The following FAM53A variants were observed in gnomAD, a reference collection of about 807,000 sequenced individuals.
The protein encoded by FAM53A is family with sequence similarity 53 member A, also known as protein FAM53A.
In FAM53A, 28 loss-of-function variants were observed where a neutral mutation model predicts 26.6. The observed-to-expected ratio is 1.05, with a 90% CI of 0.78 to 1.45. FAM53A has a LOEUF of 1.45. FAM53A is among the 40% of genes most tolerant of loss of function. The pLI, the probability that FAM53A is intolerant of heterozygous loss-of-function variation, is 0.00. For synonymous variants in FAM53A, 290 were observed against 253.1 expected (o/e 1.15, Z -1.38); for missense variants, 650 against 575.8 (o/e 1.13, Z -1.32).
intron 4 of FAM53A, chr4:1,644,155 A>T: frequency 1.3e-6 from 2 of 1,531,328 alleles, no homozygotes; most frequent in Non-Finnish European, 1.7e-6. Context: ...AGGCTGCACT[A>T]CACACGCACC....
chr4:1,662,771 GCA>G (rs1713935406), intron 2 of FAM53A, among the ~76,000 whole-genome samples: 2 of 152,112 alleles, frequency 1.3e-5, no homozygotes, highest in Admixed American at 6.5e-5. Context: ...TGGCCAATGA[GCA>G]CATGAAAATA....
At chr4:1,612,204 A>G in the FAM53A span, among the ~76,000 whole-genome samples, 4 of 152,222 alleles carry the variant, frequency 2.6e-5, no homozygotes, top group African/African-American at 9.6e-5. Flanking sequence ...TAAATAAATC[A>G]GCTGTATGTT....
At chr4:1,644,563 G>GC in intron 4 of FAM53A, 1 of 512,336 alleles carries the variant, frequency 2.0e-6, no homozygotes, top group Non-Finnish European at 3.3e-6. Flanking sequence ...TCCGCCTCGC[G>GC]CCCCCTGTCC....
At chr4:1,682,605 C>G (rs1174107916) in intron 1 of FAM53A, among the ~76,000 whole-genome samples, 1 of 152,056 alleles carries the variant, frequency 6.6e-6, no homozygotes, top group African/African-American at 2.4e-5. Flanking sequence ...TCCCAATGCA[C>G]CGGTGAAAAA....
At chr4:1,651,992 T>TCACACACACACCACACACGC (rs1712835302) in intron 4 of FAM53A, among the ~76,000 whole-genome samples, 1 of 108,752 alleles carries the variant, frequency 9.2e-6, no homozygotes, top group African/African-American at 3.4e-5. Flanking sequence ...CACGCACACC[T>TCACACACACACCACACACGC]CACACACACA....
At chr4:1,599,999 C>G in the FAM53A span, among the ~76,000 whole-genome samples, 32,319 of 151,916 alleles carry the variant, frequency 0.21, 4,016 homozygotes, top group Non-Finnish European at 0.28. The surrounding 1 kb of genome is among the most constrained non-coding windows in gnomAD (Gnocchi z 6.1). Context: ...CGTGTGACCC[C>G]CTCTCCCACC....
intron 2 of FAM53A, among the ~76,000 whole-genome samples, chr4:1,667,700 A>G (rs1269477081): frequency 1.3e-5 from 2 of 151,894 alleles, no homozygotes; most frequent in African/African-American, 2.4e-5. Context: ...TCACCCTCTC[A>G]TTTCCGTAAC....
At chr4:1,672,956 G>A (rs1714788434) in intron 1 of FAM53A, among the ~76,000 whole-genome samples, 1 of 152,002 alleles carries the variant, frequency 6.6e-6, no homozygotes, top group Non-Finnish European at 1.5e-5. Flanking sequence ...TTGTAGTAAA[G>A]ACAGCATTTC....
chr4:1,639,150 T>C (rs1577098300), downstream of FAM53A, among the ~76,000 whole-genome samples: 1 of 151,846 alleles, frequency 6.6e-6, no homozygotes, highest in African/African-American at 2.4e-5. Context: ...CTGTCTCCCA[T>C]TGCTGTCCAG....
the FAM53A span, among the ~76,000 whole-genome samples, chr4:1,575,801 GA>G: frequency 1.3e-4 from 20 of 152,264 alleles, no homozygotes; most frequent in African/African-American, 4.8e-4. Context: ...TGGGTTGGGA[GA>G]GCCATCATTC....
chr4:1,667,421 T>G (rs1204298691), intron 2 of FAM53A, among the ~76,000 whole-genome samples: 1 of 152,136 alleles, frequency 6.6e-6, no homozygotes, highest in Non-Finnish European at 1.5e-5. Context: ...CCTCCACCCG[T>G]GGACTGACAG....
the FAM53A span, among the ~76,000 whole-genome samples, chr4:1,578,816 G>C: frequency 7.8e-3 from 476 of 61,214 alleles, 3 homozygotes; most frequent in South Asian, 0.022. Context: ...GGGGAGGGGA[G>C]AGAAGAGGGG....
At chr4:1,675,829 A>G in intron 1 of FAM53A, among the ~76,000 whole-genome samples, 1 of 152,162 alleles carries the variant, frequency 6.6e-6, no homozygotes, top group East Asian at 1.9e-4. Flanking sequence ...GCTCCCCAGG[A>G]TCTGGCCACA....
At chr4:1,634,356 A>T (rs1715744887) in intron 1 of FAM53A, among the ~76,000 whole-genome samples, 1 of 152,084 alleles carries the variant, frequency 6.6e-6, no homozygotes, top group Non-Finnish European at 1.5e-5. Flanking sequence ...ACCCGTCCAC[A>T]CACACAGAGG....
downstream of FAM53A, among the ~76,000 whole-genome samples, chr4:1,636,476 C>T (rs769846661): frequency 4.6e-5 from 7 of 152,242 alleles, no homozygotes; most frequent in Non-Finnish European, 7.3e-5. Flanking sequence ...TGGTGTTGCC[C>T]CGTTCACGGG....
chr4:1,680,586 G>C (rs910060137), intron 1 of FAM53A, among the ~76,000 whole-genome samples: 2 of 152,124 alleles, frequency 1.3e-5, no homozygotes, highest in Non-Finnish European at 2.9e-5. Flanking sequence ...ATTTCCTGTA[G>C]GTGAGCAGAT....
intron 1 of FAM53A, among the ~76,000 whole-genome samples, chr4:1,623,229 C>A (rs1200014134): frequency 6.6e-6 from 1 of 152,236 alleles, no homozygotes; most frequent in East Asian, 1.9e-4. Context: ...CTGTGTCCAG[C>A]TGCAGGTGGA....
chr4:1,672,587 G>A (rs950300974), intron 1 of FAM53A, among the ~76,000 whole-genome samples: 2 of 152,014 alleles, frequency 1.3e-5, no homozygotes, highest in African/African-American at 4.8e-5. Flanking sequence ...AACGTATGGC[G>A]AGAAACAGAG....
chr4:1,598,339 G>A, the FAM53A span, among the ~76,000 whole-genome samples: 4 of 152,376 alleles, frequency 2.6e-5, no homozygotes, highest in Admixed American at 1.3e-4. Context: ...CAAACGCTGC[G>A]CCTTCCGCCA....
Sources: gnomAD v4.1 joint callset for allele counts (sites outside exome capture counted in the v4.1 genomes callset) on GRCh38, gnomAD v4.1.1 for gene constraint, Gnocchi (gnomAD v3.1) non-coding constraint, MANE v1.5 for transcripts, NCBI Gene and HGNC (gene_info 2026-07-23, HGNC 2026-07-21) for gene names.